Variants in SYT17 observed in about 807,000 individuals in gnomAD.
The protein encoded by SYT17 is synaptotagmin 17.
A neutral mutation model predicts 46.7 loss-of-function variants in SYT17; 22 were observed. The observed-to-expected ratio is 0.47, with a 90% CI of 0.34 to 0.67. SYT17 has a LOEUF of 0.67. Ranked by LOEUF, SYT17 falls within the 30% of genes least tolerant of loss-of-function variation. The pLI, the probability that SYT17 is intolerant of heterozygous loss-of-function variation, is 0.01. For missense variants in SYT17, 519 were observed against 612.8 expected, an observed-to-expected ratio of 0.85 and a Z score of 1.62; for synonymous variants, 251 against 248.4, an observed-to-expected ratio of 1.01 and a Z score of -0.10.
At chr16:19,217,878 C>A (rs1418348124) in intron 5 of SYT17, among the ~76,000 whole-genome samples, 2 of 152,068 alleles carry the variant, frequency 1.3e-5, no homozygotes, top group African/African-American at 4.8e-5. Context: ...GGTGTGCAGC[C>A]CCTGGAATTT....
In SYT17 at chr16:19,255,923, T is replaced by C. The variant is rs115102095; in HGVS notation, c.1229-10957T>C. On this transcript the variant is annotated intron_variant, in intron 7 of 7. Transcript: ENST00000355377. ...GGCATCAAGGAGCCCACATCTTCCT[T>C]GCTAGATCATCTCCACATACTGGGA... Among the ~76,000 whole-genome samples the C allele has an allele frequency of 3.6e-3, 545 of 152,236 alleles. 6 individuals are homozygous for C. The highest frequency in any genetic ancestry group is 0.012 in the African/African-American group (484 of 41,536).
chr16:19,216,373 A>G (rs1013355611), intron 5 of SYT17, among the ~76,000 whole-genome samples: 1 of 117,364 alleles, frequency 8.5e-6, no homozygotes, highest in African/African-American at 4.0e-5. Flanking sequence ...GAGCCCTACA[A>G]TTATTTCTTT....
chr16:19,229,653 A>G (rs569910584), intron 7 of SYT17, among the ~76,000 whole-genome samples: 1 of 152,362 alleles, frequency 6.6e-6, no homozygotes, highest in South Asian at 2.1e-4. Context: ...TTGATGGCAA[A>G]TCTTCAAAAA....
At chr16:19,180,977 C>T (rs955859489) in intron 4 of SYT17, among the ~76,000 whole-genome samples, 1 of 152,074 alleles carries the variant, frequency 6.6e-6, no homozygotes. Flanking sequence ...TGGCAGCTGC[C>T]GCTCTGTCTG....
intron 5 of SYT17, among the ~76,000 whole-genome samples, chr16:19,213,911 T>C (rs1965996719): frequency 6.6e-6 from 1 of 152,210 alleles, no homozygotes; most frequent in South Asian, 2.1e-4. Context: ...TTAAAAAATC[T>C]GAATCAGCCC....
In SYT17 at chr16:19,267,023, A is replaced by C; in HGVS notation, c.1372A>C (p.Arg458=). The change falls in exon 8 of 8, where the codon AGG becomes CGG. Residue 458 remains arginine (R), a synonymous_variant. Coordinates refer to ENST00000355377, the MANE Select transcript of SYT17 (RefSeq NM_016524.4). ...AGCCGTGGAGCAGTGGCATAGCCTGAGGTCCCGAGCTGAGTGTGACCGCGT... is the reference window on the plus strand; with the variant it reads ...AGCCGTGGAGCAGTGGCATAGCCTGCGGTCCCGAGCTGAGTGTGACCGCGT... ...RTAVEQWHSL[R]SRAECDRVSP... The C allele has an allele frequency of 1.2e-6, 2 of 1,611,620 alleles. No homozygotes were observed. The highest frequency in any genetic ancestry group is 1.7e-5 in the Admixed American group (1 of 59,618).
At position 19,189,849 on chromosome 16, in the gene SYT17, C is replaced by T. The variant is rs1162653828; in HGVS notation, c.951+5702C>T. Reference sequence around the variant, plus strand: ...AGTTATACTTTCTTCTTGGAAAACCCATGTGGAAGATGAATGGGTGGCTTA... The same window carrying T: ...AGTTATACTTTCTTCTTGGAAAACCTATGTGGAAGATGAATGGGTGGCTTA... On this transcript the variant is annotated intron_variant, in intron 5 of 7. Transcript: ENST00000355377. Among the ~76,000 whole-genome samples the T allele has an allele frequency of 2.6e-5, 4 of 152,172 alleles. No homozygotes were observed. In the East Asian group the frequency reaches 7.7e-4, roughly 29 times the overall value.
chr16:19,200,928 G>A (rs958651957), intron 5 of SYT17, among the ~76,000 whole-genome samples: 3 of 152,140 alleles, frequency 2.0e-5, no homozygotes, highest in Non-Finnish European at 2.9e-5. Flanking sequence ...GCAGAAGGTC[G>A]GATCAGCTCA....
chr16:19,210,421 A>T (rs1265081267), intron 5 of SYT17, among the ~76,000 whole-genome samples: 7 of 146,700 alleles, frequency 4.8e-5, no homozygotes, highest in South Asian at 2.2e-4. Context: ...CCTTTAACCC[A>T]CTTCTCTTTA....
intron 7 of SYT17, among the ~76,000 whole-genome samples, chr16:19,225,877 T>A (rs1966480308): frequency 6.6e-6 from 1 of 152,188 alleles, no homozygotes; most frequent in African/African-American, 2.4e-5. Context: ...AATGACATCC[T>A]ATTACTTTCA....
At chr16:19,235,361 T>C (rs1358355369) in intron 7 of SYT17, among the ~76,000 whole-genome samples, 1 of 152,150 alleles carries the variant, frequency 6.6e-6, no homozygotes, top group Non-Finnish European at 1.5e-5. Flanking sequence ...CAAATAGCAT[T>C]GCAAGGCCTT....
chr16:19,175,518 G>T (rs904599992), intron 3 of SYT17, among the ~76,000 whole-genome samples: 3 of 151,980 alleles, frequency 2.0e-5, no homozygotes, highest in South Asian at 2.1e-4. Context: ...AGCTGGGCAC[G>T]TTGGTGCCTA....
chr16:19,261,627 A>T (rs1312419153), intron 7 of SYT17, among the ~76,000 whole-genome samples: 1 of 152,268 alleles, frequency 6.6e-6, no homozygotes, highest in East Asian at 1.9e-4. Context: ...TGATACAGAA[A>T]GTGGACATTT....
chr16:19,173,398 A>AAC, intron 2 of SYT17, 32 bp from the exon 3 acceptor site: 1 of 43,348 alleles, frequency 2.3e-5, no homozygotes, highest in African/African-American at 4.0e-4. Context: ...CCTCTCCCCC[A>AAC]TCCCCCCGCC....
chr16:19,170,714 G>A (rs1255573273), intron 1 of SYT17: 2 of 152,150 alleles, frequency 1.3e-5, no homozygotes. Flanking sequence ...ACATGTCTAG[G>A]AAATGCTTCC....
chr16:19,226,839 CTG>C (rs1966513915), intron 7 of SYT17, among the ~76,000 whole-genome samples: 1 of 152,210 alleles, frequency 6.6e-6, no homozygotes, highest in African/African-American at 2.4e-5. Flanking sequence ...CCAGGGGAAA[CTG>C]AGAGCCCCCA....
chr16:19,201,228 C>T lies in SYT17; in HGVS notation c.951+17081C>T, dbSNP rs145120543. ...CTGCGGCATGGAAGGACTTGCCTCC[C>T]GAGATTTGTGTGATGTGTCAGGACC... On this transcript the variant is annotated intron_variant, in intron 5 of 7. Coordinates refer to ENST00000355377, the MANE Select transcript of SYT17 (RefSeq NM_016524.4). Among the ~76,000 whole-genome samples, 161 of 152,242 alleles carry T rather than the reference C, an allele frequency of 1.1e-3. 2 individuals are homozygous for T. The East Asian group carries it at 0.021, about 20-fold the overall frequency.
intron 5 of SYT17, among the ~76,000 whole-genome samples, chr16:19,202,415 T>C (rs1965502419): frequency 6.6e-6 from 1 of 152,234 alleles, no homozygotes; most frequent in African/African-American, 2.4e-5. Flanking sequence ...GGGGGTTGTG[T>C]GTGGTGCTTT....
At chr16:19,202,132 G>C (rs187504138) in intron 5 of SYT17, among the ~76,000 whole-genome samples, 20 of 152,112 alleles carry the variant, frequency 1.3e-4, no homozygotes, top group African/African-American at 4.1e-4. Context: ...TAAATGCCTG[G>C]AGTTAGTGCA....
Sources: gnomAD v4.1 joint callset for allele counts (sites outside exome capture counted in the v4.1 genomes callset) on GRCh38, gnomAD v4.1.1 for gene constraint, MANE v1.5 for transcripts, NCBI Gene and HGNC (gene_info 2026-07-23, HGNC 2026-07-21) for gene names.